The following GPC5 variants were observed in gnomAD, a reference collection of about 807,000 sequenced individuals.
GPC5 encodes glypican-5.
In GPC5, 47 loss-of-function variants were observed where a neutral mutation model predicts 53.9. The ratio of observed to expected loss-of-function variants is 0.87; its 90% CI spans 0.69 to 1.11. The LOEUF (loss-of-function observed/expected upper bound fraction) is 1.11, where lower values mean the gene tolerates loss of function less well. Ranked by LOEUF, GPC5 falls within the 50% of genes most tolerant of loss-of-function variation. The probability of loss-of-function intolerance (pLI) is 0.00; values close to 1 mark genes in which losing one functional copy is unlikely to be tolerated. For synonymous variants in GPC5, 286 were observed against 263.3 expected (o/e 1.09, Z -0.84); for missense variants, 748 against 713.1 (o/e 1.05, Z -0.56).
At chr13:91,811,143 C>T (rs967331395) in intron 5 of GPC5, among the ~76,000 whole-genome samples, 3 of 151,904 alleles carry the variant, frequency 2.0e-5, no homozygotes, top group Admixed American at 2.0e-4. Context: ...AGTCTGGGTG[C>T]TAATTGAATC....
chr13:91,499,901 A>G (rs1406704827), intron 2 of GPC5, among the ~76,000 whole-genome samples: 1 of 152,210 alleles, frequency 6.6e-6, no homozygotes, highest in Admixed American at 6.5e-5. Context: ...TCAAGGGTTT[A>G]TTTATTGCCT....
At chr13:92,351,779 T>C (rs536561695) in intron 7 of GPC5, among the ~76,000 whole-genome samples, 13 of 152,246 alleles carry the variant, frequency 8.5e-5, no homozygotes, top group Admixed American at 7.8e-4. Context: ...GAATATCAAG[T>C]ATCTAAGAAT....
intron 7 of GPC5, among the ~76,000 whole-genome samples, chr13:92,781,449 A>T (rs145885266): frequency 0.02 from 3,010 of 152,250 alleles, 45 homozygotes; most frequent in Non-Finnish European, 0.033. Context: ...GCACAAATAT[A>T]ATAGGCACTT....
chr13:92,287,705 T>G lies in GPC5; in HGVS notation c.1561+142716T>G, dbSNP rs1358192790. Among the ~76,000 whole-genome samples the G allele has an allele frequency of 3.3e-5, 5 of 152,152 alleles. No homozygotes were observed. The South Asian group carries it at 6.2e-4, about 19-fold the overall frequency. On this transcript the variant is annotated intron_variant, in intron 7 of 7. Coordinates refer to ENST00000377067, the MANE Select transcript of GPC5 (RefSeq NM_004466.6). The stretch of plus-strand genomic sequence containing the variant: ...TTTCTTGCTGCTTTCTAGGTTTTCT[T>G]TTTGTATTTGGCTTTGGAAAGTTTG...
chr13:92,151,355 C>A (rs986642986), intron 7 of GPC5, among the ~76,000 whole-genome samples: 13 of 152,044 alleles, frequency 8.6e-5, no homozygotes, highest in Admixed American at 7.2e-4. Context: ...TGTTACTATT[C>A]CTTGGTCCAT....
At chr13:91,626,489 C>T (rs2034005487) in intron 2 of GPC5, among the ~76,000 whole-genome samples, 1 of 151,988 alleles carries the variant, frequency 6.6e-6, no homozygotes, top group South Asian at 2.1e-4. Context: ...GTCTTTGTAA[C>T]AAGCAAGAAC....
chr13:91,763,403 G>C (rs989362249), intron 5 of GPC5, among the ~76,000 whole-genome samples: 1 of 152,120 alleles, frequency 6.6e-6, no homozygotes, highest in African/African-American at 2.4e-5. Flanking sequence ...GGGTGGGATT[G>C]TTCCTATCAA....
chr13:91,932,621 C>T (rs1464621437), intron 6 of GPC5, among the ~76,000 whole-genome samples: 1 of 151,958 alleles, frequency 6.6e-6, no homozygotes, highest in South Asian at 2.1e-4. Flanking sequence ...ATTTTAAAGT[C>T]TGTTCTGGGT....
intron 7 of GPC5, among the ~76,000 whole-genome samples, chr13:92,522,827 T>C (rs1881118514): frequency 6.6e-6 from 1 of 152,150 alleles, no homozygotes; most frequent in Non-Finnish European, 1.5e-5. Flanking sequence ...ACTTATTTGC[T>C]AAATTCTGTT....
At chr13:92,158,595 G>A (rs1043846160) in intron 7 of GPC5, among the ~76,000 whole-genome samples, 14 of 149,234 alleles carry the variant, frequency 9.4e-5, no homozygotes, top group Non-Finnish European at 1.3e-4. Flanking sequence ...CTCCCTTCAC[G>A]CCCCGCATTT....
At chr13:92,064,553 C>T (rs1388330908) in intron 6 of GPC5, among the ~76,000 whole-genome samples, 21 of 151,978 alleles carry the variant, frequency 1.4e-4, no homozygotes, top group Admixed American at 1.4e-3. Flanking sequence ...GGCAGGGTTT[C>T]GAGACCAGCC....
intron 7 of GPC5, among the ~76,000 whole-genome samples, chr13:92,256,651 T>C (rs1353799780): frequency 6.6e-6 from 1 of 152,098 alleles, no homozygotes; most frequent in Non-Finnish European, 1.5e-5. Flanking sequence ...AAGGAAGAGA[T>C]GTAATATTAA....
chr13:92,197,368 T>C (rs1001125716), intron 7 of GPC5, among the ~76,000 whole-genome samples: 33 of 152,208 alleles, frequency 2.2e-4, no homozygotes, highest in East Asian at 7.7e-4. Context: ...ATCTATATCT[T>C]TATAACTATA....
At position 91,526,058 on chromosome 13, in the gene GPC5, T is replaced by C. The variant is rs142194379; in HGVS notation, c.325+77136T>C. 1.1e-4 allele frequency among the ~76,000 whole-genome samples: 17 copies of C among 152,230 alleles called. No homozygotes were observed. The East Asian group carries it at 3.3e-3, about 29-fold the overall frequency. ...TGATAATGATAAAATGGAAAGGTGA[T>C]ATGGAAAAATTTCTCCCCAGGTAAC... On this transcript the variant is annotated intron_variant, in intron 2 of 7. Transcript: ENST00000377067.
At chr13:91,470,700 A>C (rs1882564738) in intron 2 of GPC5, among the ~76,000 whole-genome samples, 1 of 152,184 alleles carries the variant, frequency 6.6e-6, no homozygotes, top group Non-Finnish European at 1.5e-5. Flanking sequence ...ACCTGTTTAT[A>C]CATGTAAAAG....
intron 2 of GPC5, among the ~76,000 whole-genome samples, chr13:91,482,702 T>A (rs1883371360): frequency 6.6e-6 from 1 of 152,162 alleles, no homozygotes; most frequent in Non-Finnish European, 1.5e-5. Context: ...CAGGGATTAA[T>A]GTCACCCCCT....
intron 7 of GPC5, among the ~76,000 whole-genome samples, chr13:92,214,352 A>C (rs923000336): frequency 1.3e-5 from 2 of 152,178 alleles, no homozygotes; most frequent in Admixed American, 1.3e-4. Context: ...AGTGGCACTT[A>C]ATTCATTCAT....
At chr13:92,212,332 C>T (rs2042381252) in intron 7 of GPC5, among the ~76,000 whole-genome samples, 1 of 152,112 alleles carries the variant, frequency 6.6e-6, no homozygotes, top group Non-Finnish European at 1.5e-5. Context: ...TGAGGACTGT[C>T]TAGAGCTCTG....
chr13:92,371,842 A>G (rs2043652932), intron 7 of GPC5, among the ~76,000 whole-genome samples: 1 of 152,206 alleles, frequency 6.6e-6, no homozygotes, highest in Non-Finnish European at 1.5e-5. Context: ...AATCCTAACC[A>G]TATCAATGGA....
Sources: allele counts gnomAD v4.1 joint callset (sites outside exome capture counted in the v4.1 genomes callset), GRCh38; gene constraint gnomAD v4.1.1; transcripts MANE v1.5; gene names NCBI Gene and HGNC (gene_info 2026-07-23, HGNC 2026-07-21).